Variants in MYH10 observed in about 807,000 individuals in gnomAD.
MYH10 encodes the protein myosin heavy chain 10.
A neutral mutation model predicts 257.8 loss-of-function variants in MYH10; 55 were observed. The ratio of observed to expected loss-of-function variants is 0.21; its 90% confidence interval spans 0.17 to 0.27. MYH10 has a LOEUF of 0.27. Ranked by LOEUF, MYH10 falls within the 10% of genes least tolerant of loss-of-function variation. The pLI is 1.00. For missense variants in MYH10, 1,631 were observed against 2,500.6 expected (o/e 0.65, Z 7.42); for synonymous variants, 854 against 921.7 (o/e 0.93, Z 1.33).
chr17:8,476,341 A>G (rs2151757601), intron 42 of MYH10, among the ~76,000 whole-genome samples: 1 of 152,244 alleles, frequency 6.6e-6, no homozygotes, highest in South Asian at 2.1e-4. Context: ...AAATGTAGAA[A>G]CCATGCTTAG....
At chr17:8,623,454 C>T (rs986678648) in intron 1 of MYH10, 177 bp from the exon 2 acceptor site, 2 of 436,170 alleles carry the variant, frequency 4.6e-6, no homozygotes, top group Non-Finnish European at 7.4e-6. Context: ...CAGCGGTGAC[C>T]ACAAATTATG....
intron 3 of MYH10, among the ~76,000 whole-genome samples, chr17:8,589,662 GA>G (rs2084046217): frequency 6.6e-6 from 1 of 152,130 alleles, no homozygotes; most frequent in South Asian, 2.1e-4. Flanking sequence ...AAAGAAAGTT[GA>G]AGGAGGATAA....
chr17:8,568,977 T>A (rs2083249116), intron 7 of MYH10, among the ~76,000 whole-genome samples: 1 of 150,522 alleles, frequency 6.6e-6, no homozygotes, highest in Admixed American at 6.6e-5. Flanking sequence ...TTTGGGAGGC[T>A]GAGGCTTCCA....
chr17:8,483,638 T>C (rs1250982426), intron 37 of MYH10, among the ~76,000 whole-genome samples: 1 of 152,266 alleles, frequency 6.6e-6, no homozygotes, highest in Non-Finnish European at 1.5e-5. Context: ...CTTGCACTGT[T>C]ACAGTTCCTA....
chr17:8,609,271 C>T (rs1470425032), intron 2 of MYH10, among the ~76,000 whole-genome samples: 1 of 152,010 alleles, frequency 6.6e-6, no homozygotes, highest in African/African-American at 2.4e-5. Flanking sequence ...TCTCCTACTA[C>T]GAACAGGGAT....
rs569753726 is a variant in MYH10, at chr17:8,489,521, C to T, written c.4884+819G>A. 3.3e-5 allele frequency among the ~76,000 whole-genome samples: 5 copies of T among 152,172 alleles called. No individual in the cohort carries two copies. The South Asian group carries it at 6.2e-4, about 19-fold the overall frequency. On this transcript the variant is annotated intron_variant, in intron 35 of 42. Coordinates refer to ENST00000360416, the MANE Select transcript of MYH10 (RefSeq NM_001256012.3). ...GAGTTTGAGACCAGCCTGGCCAACA[C>T]GATCAAATCCCGTCTCTACTAAAAA...
chr17:8,495,320 C>T, intron 30 of MYH10, 79 bp from the exon 31 acceptor site: 1 of 899,144 alleles, frequency 1.1e-6, no homozygotes, highest in Non-Finnish European at 1.8e-6. Flanking sequence ...TTAAACAGAA[C>T]ACAGAGAAGA....
At chr17:8,516,325 T>G (rs1453387877) in intron 21 of MYH10, among the ~76,000 whole-genome samples, 1 of 152,244 alleles carries the variant, frequency 6.6e-6, no homozygotes, top group Non-Finnish European at 1.5e-5. Context: ...ACCTATTATT[T>G]TGACTATTGT....
chr17:8,577,704 A>G (rs1011110901), intron 4 of MYH10, among the ~76,000 whole-genome samples: 7 of 151,946 alleles, frequency 4.6e-5, no homozygotes, highest in Admixed American at 2.0e-4. Flanking sequence ...GCTAATTCTT[A>G]TATTTTTAGT....
At chr17:8,616,298 T>C (rs1003257606) in intron 2 of MYH10, among the ~76,000 whole-genome samples, 9 of 151,802 alleles carry the variant, frequency 5.9e-5, no homozygotes, top group African/African-American at 2.2e-4. Flanking sequence ...AAAAAAAGTA[T>C]AAGATTTAGT....
chr17:8,487,695 G>A (rs746970249), intron 35 of MYH10, 101 bp from the exon 36 acceptor site: 14 of 1,329,490 alleles, frequency 1.1e-5, no homozygotes, highest in Non-Finnish European at 1.4e-5. Flanking sequence ...TCGGGTGAGT[G>A]GAAACTTCTG....
intron 14 of MYH10, among the ~76,000 whole-genome samples, chr17:8,541,787 A>G (rs1014396563): frequency 3.9e-5 from 6 of 152,310 alleles, no homozygotes; most frequent in Admixed American, 3.9e-4. Flanking sequence ...GTGGAGCTCC[A>G]CATCCTTTGA....
At position 8,573,482 on chromosome 17, in the gene MYH10, G is replaced by A. The variant is rs1276779026; in HGVS notation, c.663+3161C>T. On this transcript the variant is annotated intron_variant, in intron 6 of 42. Transcript: ENST00000360416. ...GATGACTGGAAACACAGGGAGACAAGTGGGCTGGCTTGAAGGTATCATTTG... is the reference window on the plus strand; with the variant it reads ...GATGACTGGAAACACAGGGAGACAAATGGGCTGGCTTGAAGGTATCATTTG... 2.6e-5 allele frequency among the ~76,000 whole-genome samples: 4 copies of A among 152,230 alleles called. No homozygotes were observed. In the East Asian group the frequency reaches 7.7e-4, roughly 29 times the overall value.
intron 2 of MYH10, among the ~76,000 whole-genome samples, chr17:8,607,312 C>T (rs1419473849): frequency 1.3e-5 from 2 of 152,142 alleles, no homozygotes; most frequent in African/African-American, 2.4e-5. Flanking sequence ...TCCCATAGCA[C>T]GTATGGCATG....
In MYH10 at chr17:8,500,935, T is replaced by C; in HGVS notation, c.3635A>G (p.Lys1212Arg). The C allele has an allele frequency of 6.2e-7, 1 of 1,614,160 alleles. No individual in the cohort carries two copies. The highest frequency in any genetic ancestry group is 8.5e-7 in the Non-Finnish European group (1 of 1,180,004). The change falls in exon 29 of 43, where the codon AAA (lysine) becomes AGA (arginine). Residue 1212 changes from lysine to arginine, a missense_variant. Transcript: ENST00000360416. The stretch of plus-strand genomic sequence containing the variant: ...GTTCTTAGTTTCCTCCTCAAGAGCT[T>C]TCTTCAGCTCTGCCACTTCTTGTTC... The part of the protein sequence containing the change: ...KREQEVAELK[K>R]ALEEETKNHE...
chr17:8,558,405 C>G (rs1486033339), intron 7 of MYH10, among the ~76,000 whole-genome samples: 2 of 152,088 alleles, frequency 1.3e-5, no homozygotes, highest in African/African-American at 4.8e-5. Flanking sequence ...GCCGAGCCTA[C>G]CAATCTTAGT....
intron 38 of MYH10, among the ~76,000 whole-genome samples, chr17:8,480,946 A>G (rs1913649588): frequency 8.4e-4 from 1 of 1,196 alleles, no homozygotes; most frequent in Non-Finnish European, 4.6e-3. Flanking sequence ...CGCATGATGG[A>G]CGTTCAGTTC....
intron 32 of MYH10, 94 bp downstream of exon 32, chr17:8,493,639 C>T (rs888763737): frequency 2.0e-5 from 28 of 1,411,882 alleles, no homozygotes; most frequent in Non-Finnish European, 2.3e-5. Context: ...AATTAACTGT[C>T]CCAAATGGAG....
intron 5 of MYH10, 83 bp from the exon 6 acceptor site, chr17:8,576,755 C>T: frequency 7.3e-7 from 1 of 1,360,910 alleles, no homozygotes; most frequent in Non-Finnish European, 1.0e-6. Context: ...AGCACCAAGC[C>T]AATGTGCAGT....
Sources: allele counts gnomAD v4.1 joint callset (sites outside exome capture counted in the v4.1 genomes callset), GRCh38; gene constraint gnomAD v4.1.1; transcripts MANE v1.5; gene names NCBI Gene and HGNC (gene_info 2026-07-23, HGNC 2026-07-21).